CNTN5: variants seen among roughly 807,000 people sequenced by gnomAD.
CNTN5 encodes the protein contactin 5, also known as contactin-5.
CNTN5 carries 77 observed loss-of-function variants against 129.1 expected under a neutral mutation model. The observed-to-expected ratio is 0.60, with a 90% CI of 0.50 to 0.72. CNTN5 has a LOEUF of 0.72. CNTN5 is among the 30% of genes least tolerant of loss of function. CNTN5 has a pLI of 0.00. For synonymous variants in CNTN5, 509 were observed against 465.6 expected (o/e 1.09, Z -1.20); for missense variants, 1,478 against 1,328.8 (o/e 1.11, Z -1.75).
At chr11:100,018,381 C>T (rs140262945) in intron 9 of CNTN5, among the ~76,000 whole-genome samples, 269 of 152,082 alleles carry the variant, frequency 1.8e-3, no homozygotes, top group Middle Eastern at 3.4e-3. Flanking sequence ...GTTACCTTTT[C>T]TAGTCATGCA....
At chr11:99,975,446 T>C (rs1308055943) in intron 8 of CNTN5, among the ~76,000 whole-genome samples, 1 of 152,142 alleles carries the variant, frequency 6.6e-6, no homozygotes, top group Non-Finnish European at 1.5e-5. Context: ...AAGGTAGTTT[T>C]GGCAAAATGC....
At chr11:99,531,345 G>A (rs563525941) in intron 2 of CNTN5, among the ~76,000 whole-genome samples, 20 of 152,294 alleles carry the variant, frequency 1.3e-4, no homozygotes, top group East Asian at 1.2e-3. Context: ...GAGGTGGCTT[G>A]GGAACTGTTA....
chr11:99,071,780 T>C (rs1865351302), intron 1 of CNTN5, among the ~76,000 whole-genome samples: 1 of 152,120 alleles, frequency 6.6e-6, no homozygotes, highest in Non-Finnish European at 1.5e-5. Context: ...TTAAGTTTGT[T>C]GTCATTGTCT....
At chr11:99,916,211 T>A in intron 7 of CNTN5, 62 bp downstream of exon 7, 1 of 1,300,204 alleles carries the variant, frequency 7.7e-7, no homozygotes, top group South Asian at 1.3e-5. Context: ...GTTCATTCTT[T>A]TAGACAGTAT....
Position 100,118,326 on chromosome 11 carries a change from G to A in CNTN5, c.1580+44032G>A, listed in dbSNP as rs186393603. On this transcript the variant is annotated intron_variant, in intron 13 of 24. Coordinates refer to ENST00000524871, the MANE Select transcript of CNTN5 (RefSeq NM_014361.4). ...AGAATGAAATTTGCTAACCTCTACT[G>A]TGATCCCGAATTTCTTGTGATCAAT... Among the ~76,000 whole-genome samples, 196 of 151,866 alleles carry A rather than the reference G, an allele frequency of 1.3e-3. 1 individual carries two copies. The highest frequency in any genetic ancestry group is 2.6e-3 in the Admixed American group (40 of 15,206).
chr11:99,681,463 G>A (rs78414958), intron 3 of CNTN5, among the ~76,000 whole-genome samples: 5,894 of 152,100 alleles, frequency 0.039, 394 homozygotes, highest in African/African-American at 0.13. Flanking sequence ...TGTCCACATC[G>A]AGGCAAGGCC....
chr11:100,135,749 A>G (rs996848103), intron 13 of CNTN5, among the ~76,000 whole-genome samples: 5 of 152,126 alleles, frequency 3.3e-5, no homozygotes, highest in Non-Finnish European at 5.9e-5. Context: ...CTGTTTTCTG[A>G]CTAGCAAATA....
At chr11:100,032,123 C>G (rs1337844077) in intron 9 of CNTN5, among the ~76,000 whole-genome samples, 1 of 152,094 alleles carries the variant, frequency 6.6e-6, no homozygotes, top group Non-Finnish European at 1.5e-5. Flanking sequence ...TTCAGGAACC[C>G]AGGGGCTGCA....
chr11:99,386,575 A>G (rs942788425), intron 2 of CNTN5, among the ~76,000 whole-genome samples: 1 of 152,104 alleles, frequency 6.6e-6, no homozygotes, highest in Non-Finnish European at 1.5e-5. Context: ...GGCTTCTTTA[A>G]TGCAACCTGT....
chr11:99,250,170 A>T (rs1215124587), intron 1 of CNTN5, among the ~76,000 whole-genome samples: 1 of 151,920 alleles, frequency 6.6e-6, no homozygotes, highest in Admixed American at 6.6e-5. Flanking sequence ...TAATATAGTA[A>T]TTAGGTGGTA....
At chr11:99,172,283 T>C (rs1281685527) in intron 1 of CNTN5, among the ~76,000 whole-genome samples, 2 of 152,182 alleles carry the variant, frequency 1.3e-5, no homozygotes. Context: ...TGTGTGAAAA[T>C]GTTTGGTAAA....
chr11:99,891,521 C>G (rs985642039), intron 6 of CNTN5, among the ~76,000 whole-genome samples: 1 of 152,002 alleles, frequency 6.6e-6, no homozygotes, highest in Non-Finnish European at 1.5e-5. Flanking sequence ...TAATGTTCCC[C>G]TCTCTGTGTC....
At chr11:99,295,552 G>A (rs1025160614) in intron 1 of CNTN5, among the ~76,000 whole-genome samples, 3 of 152,224 alleles carry the variant, frequency 2.0e-5, no homozygotes, top group African/African-American at 7.2e-5. Context: ...TCCTGGCAAT[G>A]TTCTCTTTAA....
chr11:99,169,431 C>A (rs566083972), intron 1 of CNTN5, among the ~76,000 whole-genome samples: 3 of 125,110 alleles, frequency 2.4e-5, no homozygotes, highest in Non-Finnish European at 3.5e-5. Flanking sequence ...GCCCATAATA[C>A]GTACATATGT....
At chr11:99,127,794 T>C (rs1337890951) in intron 1 of CNTN5, among the ~76,000 whole-genome samples, 1 of 152,158 alleles carries the variant, frequency 6.6e-6, no homozygotes, top group South Asian at 2.1e-4. Context: ...TTTAGGGCTG[T>C]GTGAGGTATT....
intron 21 of CNTN5, chr11:100,336,828 G>A (rs980530218): frequency 1.4e-5 from 6 of 425,546 alleles, no homozygotes; most frequent in Admixed American, 7.3e-5. Flanking sequence ...TAACCTTCCC[G>A]GCCTCTTCCC....
chr11:99,580,176 A>G lies in CNTN5; in HGVS notation c.55+23907A>G, dbSNP rs552037618. Among the ~76,000 whole-genome samples, 4 of 152,286 alleles carry G rather than the reference A, an allele frequency of 2.6e-5. No individual in the cohort carries two copies. The South Asian group carries it at 8.3e-4, about 32-fold the overall frequency. On this transcript the variant is annotated intron_variant, in intron 3 of 24. Coordinates refer to ENST00000524871, the MANE Select transcript of CNTN5 (RefSeq NM_014361.4). ...GAACCAGCCTTGCATCCCAGGGATG[A>G]AGCCCACTTGATCATGGTGGATAAG...
At chr11:100,221,389 T>C (rs538013351) in intron 15 of CNTN5, among the ~76,000 whole-genome samples, 1 of 152,330 alleles carries the variant, frequency 6.6e-6, no homozygotes, top group African/African-American at 2.4e-5. Flanking sequence ...TGAACAGCAA[T>C]GCTAAATGAG....
chr11:99,216,589 T>C (rs1196533895), intron 1 of CNTN5, among the ~76,000 whole-genome samples: 1 of 151,696 alleles, frequency 6.6e-6, no homozygotes, highest in Non-Finnish European at 1.5e-5. Flanking sequence ...GGATAATATC[T>C]TTAACTAGCT....
Sources: gnomAD v4.1 joint callset for allele counts (sites outside exome capture counted in the v4.1 genomes callset) on GRCh38, gnomAD v4.1.1 for gene constraint, MANE v1.5 for transcripts, NCBI Gene and HGNC (gene_info 2026-07-23, HGNC 2026-07-21) for gene names.